GNB1: variants seen among roughly 807,000 people sequenced by gnomAD.
The protein encoded by GNB1 is guanine nucleotide-binding protein G(I)/G(S)/G(T) subunit beta-1.
Under a neutral mutation model 42.9 loss-of-function variants are expected in GNB1, and 2 were observed. That is an observed-to-expected ratio of 0.05 (90% confidence interval 0.02 to 0.15). The LOEUF (loss-of-function observed/expected upper bound fraction) is 0.15, where lower values mean the gene tolerates loss of function less well. Among genes scored for constraint, GNB1 ranks in the 10% least tolerant of loss-of-function variants. The pLI is 1.00. For missense variants in GNB1, 193 were observed against 462.2 expected, an observed-to-expected ratio of 0.42 and a Z score of 5.34; for synonymous variants, 183 against 174.7, an observed-to-expected ratio of 1.05 and a Z score of -0.38.
chr1:1,839,856 A>C (rs1647201223), intron 1 of GNB1, among the ~76,000 whole-genome samples: 1 of 152,042 alleles, frequency 6.6e-6, no homozygotes, highest in South Asian at 2.1e-4. Context: ...TCTGTCTCAA[A>C]ACAAAAACAC....
chr1:1,864,300 G>C (rs1424488163), intron 1 of GNB1, among the ~76,000 whole-genome samples: 1 of 78,796 alleles, frequency 1.3e-5, no homozygotes, highest in Non-Finnish European at 2.3e-5. Flanking sequence ...TGGGTGACAA[G>C]AGCAAGACTC....
intron 1 of GNB1, among the ~76,000 whole-genome samples, chr1:1,841,497 A>C (rs1011040747): frequency 1.3e-4 from 20 of 152,208 alleles, no homozygotes; most frequent in Non-Finnish European, 1.2e-4. Context: ...AGAACATTTA[A>C]AGATGCTTCT....
At chr1:1,881,672 T>C (rs1190733608) in intron 1 of GNB1, among the ~76,000 whole-genome samples, 1 of 152,174 alleles carries the variant, frequency 6.6e-6, no homozygotes, top group Non-Finnish European at 1.5e-5. Context: ...AGTGGTGGGA[T>C]TACAGGCATA....
intron 8 of GNB1, among the ~76,000 whole-genome samples, chr1:1,792,058 G>A (rs765409862): frequency 2.6e-5 from 4 of 151,734 alleles, no homozygotes; most frequent in Non-Finnish European, 4.4e-5. Context: ...TGCCTCAGAA[G>A]ACCAGAAAAA....
At chr1:1,810,308 G>A (rs1256993909) in intron 5 of GNB1, among the ~76,000 whole-genome samples, 1 of 150,422 alleles carries the variant, frequency 6.6e-6, no homozygotes, top group African/African-American at 2.4e-5. Flanking sequence ...CTCGTGATCC[G>A]CCCACCTCAG....
chr1:1,818,148 C>G (rs1646881981), intron 3 of GNB1: 4 of 307,254 alleles, frequency 1.3e-5, no homozygotes, highest in South Asian at 1.0e-4. Context: ...GTGGCCAGCA[C>G]CGAGGAGACC....
chr1:1,844,391 CAA>C (rs66531711), intron 1 of GNB1, among the ~76,000 whole-genome samples: 1,376 of 128,262 alleles, frequency 0.011, 20 homozygotes, highest in African/African-American at 0.034. Context: ...ACTCCGTCTC[CAA>C]AAAAAAAAAA....
intron 6 of GNB1, among the ~76,000 whole-genome samples, chr1:1,805,114 A>G (rs1646679069): frequency 6.6e-6 from 1 of 151,724 alleles, no homozygotes; most frequent in South Asian, 2.1e-4. Context: ...GTGAGCTGAG[A>G]TCACGCCACT....
chr1:1,792,660 T>TCC (rs1312818543), intron 8 of GNB1, among the ~76,000 whole-genome samples: 15 of 135,634 alleles, frequency 1.1e-4, no homozygotes, highest in African/African-American at 4.3e-4. Context: ...ATCACGCCAC[T>TCC]CCACTCTAGC....
At chr1:1,845,812 T>C (rs546087907) in intron 1 of GNB1, among the ~76,000 whole-genome samples, 1 of 144,884 alleles carries the variant, frequency 6.9e-6, no homozygotes, top group East Asian at 2.1e-4. Flanking sequence ...GAATCATTTG[T>C]GTGTAAGTCC....
chr1:1,888,564 G>A (rs1191164965), intron 1 of GNB1, among the ~76,000 whole-genome samples: 2 of 152,096 alleles, frequency 1.3e-5, no homozygotes, highest in Non-Finnish European at 2.9e-5. Flanking sequence ...CCGGCTGGGC[G>A]CGGTGGCTCA....
At chr1:1,869,592 AAGG>A (rs1306328781) in intron 1 of GNB1, among the ~76,000 whole-genome samples, 1 of 152,180 alleles carries the variant, frequency 6.6e-6, no homozygotes, top group Non-Finnish European at 1.5e-5. Context: ...AGGAAAAAAC[AAGG>A]AGGTGGCAGT....
chr1:1,810,535 CAAAA>C (rs1213355902), intron 5 of GNB1, among the ~76,000 whole-genome samples: 7 of 73,112 alleles, frequency 9.6e-5, no homozygotes, highest in African/African-American at 3.1e-4. Context: ...GACCCAGTCT[CAAAA>C]AAAAAAAAAA....
At chr1:1,795,546 G>C (rs1190357234) in intron 7 of GNB1, among the ~76,000 whole-genome samples, 2 of 151,974 alleles carry the variant, frequency 1.3e-5, no homozygotes, top group Non-Finnish European at 2.9e-5. Context: ...TCAGGAGTTT[G>C]AGACCAGCCT....
intron 7 of GNB1, among the ~76,000 whole-genome samples, chr1:1,802,278 C>A (rs1276050235): frequency 6.6e-6 from 1 of 152,122 alleles, no homozygotes; most frequent in Non-Finnish European, 1.5e-5. Flanking sequence ...GACAGACCAT[C>A]AGCTCCATTA....
intron 3 of GNB1, among the ~76,000 whole-genome samples, chr1:1,822,614 C>T (rs1392136286): frequency 6.6e-6 from 1 of 152,148 alleles, no homozygotes; most frequent in Non-Finnish European, 1.5e-5. Context: ...CGCGCCCGAC[C>T]TCTTTTTACA....
At position 1,882,284 on chromosome 1, in the gene GNB1, T is replaced by A. The variant is rs575306998; in HGVS notation, c.-96+8536A>T. Among the ~76,000 whole-genome samples, 4 of 152,072 alleles carry A rather than the reference T, an allele frequency of 2.6e-5. No individual in the cohort carries two copies. The South Asian group carries it at 8.3e-4, about 32-fold the overall frequency. On this transcript the variant is annotated intron_variant, in intron 1 of 11. Transcript: ENST00000378609. Reference sequence around the variant, plus strand: ...CTACTAAGATACAAAAAACATTAGCTAGGCGTGGCGGCATGCACCTGTAAT... The same window carrying A: ...CTACTAAGATACAAAAAACATTAGCAAGGCGTGGCGGCATGCACCTGTAAT...
At chr1:1,793,126 A>AT (rs1646503293) in intron 8 of GNB1, 119 bp downstream of exon 8, 1 of 555,830 alleles carries the variant, frequency 1.8e-6, no homozygotes, top group Non-Finnish European at 3.3e-6. Context: ...TCTTAAGGCC[A>AT]CTTAAATTAC....
Position 1,864,900 on chromosome 1 carries a change from C to G in GNB1, c.-95-25662G>C, listed in dbSNP as rs372963901. ...GCTTAACCAATTACATTTTACTTGG[C>G]CTTTGGTTTTGCCTGATTGCCTTGT... is the stretch of plus-strand genomic sequence containing the variant. On this transcript the variant is annotated intron_variant, in intron 1 of 11. Transcript: ENST00000378609. 3.6e-4 allele frequency among the ~76,000 whole-genome samples: 55 copies of G among 152,228 alleles called. No homozygotes were observed. The East Asian group carries it at 0.01, about 28-fold the overall frequency.
Sources: gnomAD v4.1 joint callset for allele counts (sites outside exome capture counted in the v4.1 genomes callset) on GRCh38, gnomAD v4.1.1 for gene constraint, MANE v1.5 for transcripts, NCBI Gene and HGNC (gene_info 2026-07-23, HGNC 2026-07-21) for gene names.